Variants in PRKG1 observed in about 807,000 individuals in gnomAD.
PRKG1 encodes the protein protein kinase cGMP-dependent 1.
PRKG1 carries 35 observed loss-of-function variants against 88.1 expected under a neutral mutation model. The ratio of observed to expected loss-of-function variants is 0.40; its 90% confidence interval spans 0.30 to 0.53. PRKG1 has a LOEUF of 0.53. Among genes scored for constraint, PRKG1 ranks in the 20% least tolerant of loss-of-function variants. The pLI is 0.59. For missense variants in PRKG1, 540 were observed against 839.8 expected (o/e 0.64, Z 4.41); for synonymous variants, 303 against 292.5 (o/e 1.04, Z -0.37).
chr10:51,686,427 G>A (rs1426999216), intron 3 of PRKG1, among the ~76,000 whole-genome samples: 1 of 152,154 alleles, frequency 6.6e-6, no homozygotes, highest in Non-Finnish European at 1.5e-5. Flanking sequence ...AGATTGCATA[G>A]GATAATGGAG....
intron 2 of PRKG1, among the ~76,000 whole-genome samples, chr10:51,447,602 C>T (rs900863066): frequency 1.4e-4 from 19 of 137,068 alleles, no homozygotes; most frequent in African/African-American, 4.1e-4. Flanking sequence ...TTCCACAATA[C>T]ATTCACCCAC....
intron 3 of PRKG1, among the ~76,000 whole-genome samples, chr10:51,703,623 G>A (rs76803524): frequency 0.03 from 4,544 of 152,082 alleles, 93 homozygotes; most frequent in Non-Finnish European, 0.043. Flanking sequence ...TTTATTTCAA[G>A]CACTGACAAT....
chr10:51,803,631 T>C (rs1172488571), intron 3 of PRKG1, among the ~76,000 whole-genome samples: 1 of 152,148 alleles, frequency 6.6e-6, no homozygotes, highest in East Asian at 1.9e-4. Flanking sequence ...TCTTCTGTCT[T>C]TCTATGTTTG....
chr10:52,129,120 G>A (rs1837183333), intron 7 of PRKG1, among the ~76,000 whole-genome samples: 1 of 152,096 alleles, frequency 6.6e-6, no homozygotes, highest in African/African-American at 2.4e-5. Context: ...AAAAAATAAT[G>A]CTTTTCTCCT....
chr10:51,019,987 C>A (rs948333210), intron 1 of PRKG1, among the ~76,000 whole-genome samples: 1 of 151,466 alleles, frequency 6.6e-6, no homozygotes, highest in Non-Finnish European at 1.5e-5. Context: ...AAAGAAAAAA[C>A]CCAGAAAATA....
intron 3 of PRKG1, among the ~76,000 whole-genome samples, chr10:51,626,721 A>T (rs1042473655): frequency 1.3e-5 from 2 of 152,150 alleles, no homozygotes; most frequent in Non-Finnish European, 2.9e-5. Context: ...CAACTCAGCT[A>T]AACCTGGTAT....
At chr10:51,858,510 G>A (rs1417966033) in intron 4 of PRKG1, among the ~76,000 whole-genome samples, 13 of 136,692 alleles carry the variant, frequency 9.5e-5, no homozygotes, top group Admixed American at 2.5e-4. Flanking sequence ...GCTTTGATTT[G>A]AGCATTCTTG....
At chr10:52,082,997 C>G (rs919336508) in intron 7 of PRKG1, among the ~76,000 whole-genome samples, 2 of 151,914 alleles carry the variant, frequency 1.3e-5, no homozygotes, top group Non-Finnish European at 1.5e-5. Flanking sequence ...AAAAAATACA[C>G]GGATTATGGA....
At chr10:51,756,808 C>G (rs748283589) in intron 3 of PRKG1, among the ~76,000 whole-genome samples, 1 of 148,072 alleles carries the variant, frequency 6.8e-6, no homozygotes, top group Non-Finnish European at 1.5e-5. Context: ...GTGCGAAACT[C>G]CATCTCAAAA....
At chr10:51,142,837 A>G (rs556391375) in intron 1 of PRKG1, among the ~76,000 whole-genome samples, 6 of 152,250 alleles carry the variant, frequency 3.9e-5, no homozygotes, top group African/African-American at 1.4e-4. Context: ...CAAGCATAAC[A>G]TTCTTCTAAA....
intron 2 of PRKG1, among the ~76,000 whole-genome samples, chr10:51,267,558 G>GA (rs1365637985): frequency 6.6e-6 from 1 of 152,020 alleles, no homozygotes; most frequent in Non-Finnish European, 1.5e-5. Flanking sequence ...ACATAAAGTG[G>GA]AAAAAAGACA....
At chr10:52,020,693 G>A (rs1474671290) in intron 5 of PRKG1, among the ~76,000 whole-genome samples, 1 of 151,974 alleles carries the variant, frequency 6.6e-6, no homozygotes, top group Non-Finnish European at 1.5e-5. Context: ...CCCTCTTAAT[G>A]CTTGGGAGGT....
At chr10:51,589,101 G>A (rs2132203505) in intron 3 of PRKG1, among the ~76,000 whole-genome samples, 2 of 152,166 alleles carry the variant, frequency 1.3e-5, no homozygotes, top group African/African-American at 4.8e-5. Context: ...AGGGAATGCT[G>A]TAATATTTTG....
At chr10:52,047,628 A>G (rs1218461124) in intron 5 of PRKG1, among the ~76,000 whole-genome samples, 2 of 152,116 alleles carry the variant, frequency 1.3e-5, no homozygotes, top group Non-Finnish European at 1.5e-5. Flanking sequence ...AACAAACACA[A>G]AAGTCCACAG....
chr10:52,088,022 T>A (rs1846958827), intron 7 of PRKG1, among the ~76,000 whole-genome samples: 1 of 152,268 alleles, frequency 6.6e-6, no homozygotes, highest in East Asian at 1.9e-4. Flanking sequence ...AATTCTCAAG[T>A]GCATCCCATA....
chr10:51,768,647 T>C (rs1398260222), intron 3 of PRKG1, among the ~76,000 whole-genome samples: 1 of 152,170 alleles, frequency 6.6e-6, no homozygotes, highest in Non-Finnish European at 1.5e-5. Flanking sequence ...TACCCCCATA[T>C]GTTTTACATA....
intron 3 of PRKG1, among the ~76,000 whole-genome samples, chr10:51,675,359 G>A (rs1175009022): frequency 6.6e-6 from 1 of 152,176 alleles, no homozygotes; most frequent in Non-Finnish European, 1.5e-5. Context: ...ACTGTATCAT[G>A]TCTTGCTGAC....
At chr10:51,156,071 T>C (rs1846203731) in intron 2 of PRKG1, among the ~76,000 whole-genome samples, 1 of 151,898 alleles carries the variant, frequency 6.6e-6, no homozygotes, top group South Asian at 2.1e-4. Context: ...TACTTCCACC[T>C]AACATGATTC....
At chr10:51,149,396 G>C (rs1324297167) in intron 1 of PRKG1, among the ~76,000 whole-genome samples, 2 of 152,008 alleles carry the variant, frequency 1.3e-5, no homozygotes, top group Admixed American at 1.3e-4. Context: ...GTAGGTATAT[G>C]TTTTCCTATA....
Sources: gnomAD v4.1 joint callset for allele counts (sites outside exome capture counted in the v4.1 genomes callset) on GRCh38, gnomAD v4.1.1 for gene constraint, MANE v1.5 for transcripts, NCBI Gene and HGNC (gene_info 2026-07-23, HGNC 2026-07-21) for gene names.